The following NPAS3 variants were observed in gnomAD, a reference collection of about 807,000 sequenced individuals.
NPAS3 encodes neuronal PAS domain-containing protein 3.
Under a neutral mutation model 73.1 loss-of-function variants are expected in NPAS3, and 14 were observed. The observed-to-expected ratio is 0.19, with a 90% confidence interval of 0.13 to 0.30. The LOEUF (loss-of-function observed/expected upper bound fraction) is 0.30, where lower values mean the gene tolerates loss of function less well. Ranked by LOEUF, NPAS3 falls within the 10% of genes least tolerant of loss-of-function variation. NPAS3 has a pLI of 1.00. For missense variants in NPAS3, 1,096 were observed against 1,250.0 expected, an observed-to-expected ratio of 0.88 and a Z score of 1.86; for synonymous variants, 620 against 541.5, an observed-to-expected ratio of 1.14 and a Z score of -2.01.
chr14:33,392,068 T>C (rs1392985758), intron 4 of NPAS3, among the ~76,000 whole-genome samples: 1 of 152,156 alleles, frequency 6.6e-6, no homozygotes, highest in Non-Finnish European at 1.5e-5. Context: ...GACTAAAATT[T>C]CTATGAAGTC....
chr14:33,591,367 A>C (rs59150751), intron 5 of NPAS3, among the ~76,000 whole-genome samples: 16,218 of 152,048 alleles, frequency 0.11, 2,008 homozygotes, highest in African/African-American at 0.29. Flanking sequence ...ATTATACTAA[A>C]CCATCCCCCA....
chr14:33,654,029 G>C (rs1439092731), intron 5 of NPAS3, among the ~76,000 whole-genome samples: 1 of 152,174 alleles, frequency 6.6e-6, no homozygotes, highest in East Asian at 1.9e-4. Context: ...TTATAAGACA[G>C]CCAGCAGTGA....
rs571439161 is a variant in NPAS3, at chr14:33,246,839, C to CAAAAAAAAAAAAAAAAAAAAA, written c.385+31421_385+31441dup. Among the ~76,000 whole-genome samples the CAAAAAAAAAAAAAAAAAAAAA allele has an allele frequency of 3.2e-5, 2 of 61,954 alleles. 1 individual carries two copies. Among genetic ancestry groups the CAAAAAAAAAAAAAAAAAAAAA allele is most frequent in the African/African-American group, 1.6e-4 (2 of 12,822 alleles). 40.6% of individuals were successfully genotyped at this position (61,954 alleles called of 152,430 possible). On this transcript the variant is annotated intron_variant, in intron 3 of 11. Transcript: ENST00000356141. ...TGAAACCTCATCTCTATTAAAAATA[C>CAAAAAAAAAAAAAAAAAAAAA]AAAAAAAAAAAAAAAAAAAAAAAAA...
intron 2 of NPAS3, among the ~76,000 whole-genome samples, chr14:33,095,715 C>G (rs1353417368): frequency 7.5e-6 from 1 of 133,836 alleles, no homozygotes; most frequent in African/African-American, 2.8e-5. Flanking sequence ...GTCGCCCAGG[C>G]TGGAGTGCAG....
intron 2 of NPAS3, among the ~76,000 whole-genome samples, chr14:33,164,792 C>T (rs1291584919): frequency 6.6e-6 from 1 of 151,538 alleles, no homozygotes; most frequent in Middle Eastern, 3.2e-3. Context: ...AGCCAGGGTG[C>T]TGACTCTCAG....
At chr14:33,081,691 G>C (rs1172680402) in intron 2 of NPAS3, among the ~76,000 whole-genome samples, 1 of 152,144 alleles carries the variant, frequency 6.6e-6, no homozygotes, top group African/African-American at 2.4e-5. Context: ...TGCTGTCCAG[G>C]ATCAGTGAAC....
chr14:33,289,309 ATATATG>A (rs1344570128), intron 3 of NPAS3, among the ~76,000 whole-genome samples: 1 of 152,152 alleles, frequency 6.6e-6, no homozygotes, highest in Non-Finnish European at 1.5e-5. Flanking sequence ...TGATGCTGTT[ATATATG>A]TATGTGTGTG....
chr14:33,608,996 T>A, intron 5 of NPAS3, among the ~76,000 whole-genome samples: 1 of 152,232 alleles, frequency 6.6e-6, no homozygotes, highest in East Asian at 1.9e-4. Context: ...CCTGGATTAA[T>A]CTAGTCTCTT....
chr14:33,011,126 A>C (rs1419605206), intron 1 of NPAS3, among the ~76,000 whole-genome samples: 1 of 152,250 alleles, frequency 6.6e-6, no homozygotes, highest in Non-Finnish European at 1.5e-5. Context: ...ACTTTCAACC[A>C]TCATGCAGTT....
intron 4 of NPAS3, among the ~76,000 whole-genome samples, chr14:33,416,757 T>C (rs1346865841): frequency 6.6e-6 from 1 of 152,012 alleles, no homozygotes; most frequent in African/African-American, 2.4e-5. Flanking sequence ...TGAGAAAAGA[T>C]GAAAAAAATG....
At chr14:33,470,229 G>A (rs922269786) in intron 4 of NPAS3, among the ~76,000 whole-genome samples, 2 of 152,166 alleles carry the variant, frequency 1.3e-5, no homozygotes, top group African/African-American at 4.8e-5. Context: ...CTGACACAAA[G>A]TTGTGCCCAG....
chr14:33,540,091 C>T (rs906566113), intron 4 of NPAS3, among the ~76,000 whole-genome samples: 3 of 152,094 alleles, frequency 2.0e-5, no homozygotes, highest in South Asian at 2.1e-4. Context: ...CAGCTGTGTC[C>T]GCATCCTTTG....
At chr14:33,250,057 TAATC>T (rs1230876245) in intron 3 of NPAS3, among the ~76,000 whole-genome samples, 3 of 152,090 alleles carry the variant, frequency 2.0e-5, no homozygotes, top group African/African-American at 7.2e-5. Flanking sequence ...TGAACCCAAA[TAATC>T]AATAAGAAAC....
intron 2 of NPAS3, among the ~76,000 whole-genome samples, chr14:33,182,290 CATA>C (rs1306006775): frequency 2.6e-5 from 4 of 152,170 alleles, no homozygotes; most frequent in Admixed American, 1.3e-4. Context: ...GTTCAACAAA[CATA>C]GTAGTATGAA....
At chr14:33,375,383 T>C (rs1314055814) in intron 4 of NPAS3, among the ~76,000 whole-genome samples, 1 of 152,236 alleles carries the variant, frequency 6.6e-6, no homozygotes. Context: ...ATTTAGTAAC[T>C]AATGAGACCA....
At chr14:32,941,835 C>G (rs1371978808) in intron 1 of NPAS3, among the ~76,000 whole-genome samples, 1 of 152,116 alleles carries the variant, frequency 6.6e-6, no homozygotes, top group Non-Finnish European at 1.5e-5. Flanking sequence ...AGGCAACAAC[C>G]GCAAACTTGG....
chr14:33,436,449 G>A (rs543902929), intron 4 of NPAS3, among the ~76,000 whole-genome samples: 4 of 152,076 alleles, frequency 2.6e-5, no homozygotes, highest in Admixed American at 6.6e-5. Context: ...AATGACTGTG[G>A]CATGTACACA....
intron 6 of NPAS3, among the ~76,000 whole-genome samples, chr14:33,719,702 A>G (rs1020308543): frequency 4.6e-5 from 7 of 152,184 alleles, no homozygotes; most frequent in African/African-American, 1.7e-4. Flanking sequence ...ACGAGTCACC[A>G]GCCTGTACCA....
rs374049088 is a variant in NPAS3, at chr14:32,953,642, A to G, written c.50+14276A>G. ...GCAAGCCATGGCCTGCCACACTTTA[A>G]TGAATGCCGGGTCGGAGATGAAGGA... On this transcript the variant is annotated intron_variant, in intron 1 of 11. Transcript: ENST00000356141. 9.9e-5 allele frequency among the ~76,000 whole-genome samples: 15 copies of G among 152,228 alleles called. No individual in the cohort carries two copies. In the East Asian group the frequency reaches 1.5e-3, roughly 16 times the overall value.
Sources: gnomAD v4.1 joint callset for allele counts (sites outside exome capture counted in the v4.1 genomes callset) on GRCh38, gnomAD v4.1.1 for gene constraint, MANE v1.5 for transcripts, NCBI Gene and HGNC (gene_info 2026-07-23, HGNC 2026-07-21) for gene names.